RBFOX1: variants seen among roughly 807,000 people sequenced by gnomAD.
RBFOX1 encodes the protein RNA binding protein fox-1 homolog 1.
Under a neutral mutation model 57.7 loss-of-function variants are expected in RBFOX1, and 8 were observed. The observed-to-expected ratio is 0.14, with a 90% CI of 0.08 to 0.25. RBFOX1 has a LOEUF of 0.25. RBFOX1 is among the 10% of genes least tolerant of loss of function. The pLI is 1.00. For missense variants in RBFOX1, 611 were observed against 548.5 expected (o/e 1.11, Z -1.14); for synonymous variants, 326 against 222.4 (o/e 1.47, Z -4.15).
intron 2 of RBFOX1, among the ~76,000 whole-genome samples, chr16:6,620,711 A>G (rs1255012223): frequency 2.0e-5 from 3 of 152,182 alleles, no homozygotes; most frequent in Non-Finnish European, 2.9e-5. Flanking sequence ...AACCATCACA[A>G]GATTATGAAA....
intron 4 of RBFOX1, among the ~76,000 whole-genome samples, chr16:7,329,432 C>G (rs549149574): frequency 1.3e-5 from 2 of 152,188 alleles, no homozygotes; most frequent in Non-Finnish European, 2.9e-5. Context: ...TGGAAAGACA[C>G]ACGACATAGT....
intron 3 of RBFOX1, among the ~76,000 whole-genome samples, chr16:6,888,008 T>C (rs1459681178): frequency 2.0e-5 from 3 of 152,106 alleles, no homozygotes; most frequent in East Asian, 1.9e-4. Context: ...TTGGGGTTTT[T>C]GTTTGGGTGA....
chr16:7,451,516 A>G (rs1377206033), intron 4 of RBFOX1, among the ~76,000 whole-genome samples: 6 of 152,100 alleles, frequency 3.9e-5, no homozygotes, highest in Admixed American at 3.9e-4. Flanking sequence ...GTATCAACTT[A>G]TAAGCAGTGG....
intron 1 of RBFOX1, among the ~76,000 whole-genome samples, chr16:5,389,578 G>C (rs2066348458): frequency 6.6e-6 from 1 of 151,810 alleles, no homozygotes; most frequent in Non-Finnish European, 1.5e-5. Context: ...GCATCCTTTG[G>C]GCATTCCCTT....
intron 3 of RBFOX1, among the ~76,000 whole-genome samples, chr16:6,726,445 T>C (rs2067207250): frequency 6.6e-6 from 1 of 152,028 alleles, no homozygotes; most frequent in Non-Finnish European, 1.5e-5. Context: ...CGACTTGTCT[T>C]AAGATCTGCT....
chr16:6,954,454 G>A (rs1302161267), intron 3 of RBFOX1, among the ~76,000 whole-genome samples: 1 of 152,166 alleles, frequency 6.6e-6, no homozygotes, highest in Admixed American at 6.6e-5. Flanking sequence ...AAATTGTCAA[G>A]CAGGAACAAA....
chr16:7,271,513 AATTG>A (rs887884194), intron 4 of RBFOX1, among the ~76,000 whole-genome samples: 3 of 151,892 alleles, frequency 2.0e-5, no homozygotes, highest in African/African-American at 7.3e-5. Context: ...TTAAATGTCT[AATTG>A]ATTTGTTTTT....
At chr16:6,840,585 G>C (rs1339916874) in intron 3 of RBFOX1, among the ~76,000 whole-genome samples, 2 of 151,988 alleles carry the variant, frequency 1.3e-5, no homozygotes, top group Non-Finnish European at 2.9e-5. Context: ...AATGGGATTA[G>C]TGCCTTCATA....
At chr16:6,351,539 A>G in intron 2 of RBFOX1, among the ~76,000 whole-genome samples, 1 of 151,372 alleles carries the variant, frequency 6.6e-6, no homozygotes, top group East Asian at 1.9e-4. Flanking sequence ...CTGCCCAGCT[A>G]ACTTTTGTGA....
At chr16:6,600,961 T>C (rs981044234) in intron 2 of RBFOX1, among the ~76,000 whole-genome samples, 10 of 152,312 alleles carry the variant, frequency 6.6e-5, no homozygotes, top group South Asian at 2.1e-4. Flanking sequence ...TGAGAAAATA[T>C]AGCCTCTTAA....
intron 4 of RBFOX1, among the ~76,000 whole-genome samples, chr16:7,268,385 TCTCA>T (rs2153101230): frequency 6.6e-6 from 1 of 152,298 alleles, no homozygotes; most frequent in East Asian, 1.9e-4. Flanking sequence ...GAGGACTCGC[TCTCA>T]CTCTTACTGG....
chr16:6,579,537 G>C (rs2097502323), intron 2 of RBFOX1, among the ~76,000 whole-genome samples: 1 of 152,136 alleles, frequency 6.6e-6, no homozygotes, highest in African/African-American at 2.4e-5. Flanking sequence ...TAATGGTTTT[G>C]TAACGGGCTT....
intron 14 of RBFOX1, among the ~76,000 whole-genome samples, chr16:7,708,213 C>T (rs999166801): frequency 8.6e-5 from 13 of 152,018 alleles, no homozygotes; most frequent in African/African-American, 1.4e-4. Flanking sequence ...TCTAGTTATG[C>T]GACCTTGAGC....
chr16:7,583,251 G>C (rs1300012875), intron 6 of RBFOX1, among the ~76,000 whole-genome samples: 1 of 151,444 alleles, frequency 6.6e-6, no homozygotes, highest in Non-Finnish European at 1.5e-5. Flanking sequence ...AATACCGGTT[G>C]AGGTTCAAGG....
rs188743482 is a variant in RBFOX1 at position 6,271,068 on chromosome 16, A to C, written c.-126-45927A>C. 7.4e-4 allele frequency among the ~76,000 whole-genome samples: 113 copies of C among 152,340 alleles called. 1 individual carries two copies. The highest frequency in any genetic ancestry group is 3.4e-3 in the Middle Eastern group (1 of 294). Reference sequence around the variant, plus strand: ...TACTGAGAGGAAATTTATAGCAATAAATGAATACATTAGAGAAGAGGAAAA... The same window carrying C: ...TACTGAGAGGAAATTTATAGCAATACATGAATACATTAGAGAAGAGGAAAA... On this transcript the variant is annotated intron_variant, in intron 1 of 15. Transcript: ENST00000550418.
At chr16:6,999,754 G>A (rs181172264) in intron 3 of RBFOX1, among the ~76,000 whole-genome samples, 3 of 151,982 alleles carry the variant, frequency 2.0e-5, no homozygotes, top group East Asian at 3.9e-4. Context: ...GAACTGTATT[G>A]TCATTAATGT....
intron 4 of RBFOX1, among the ~76,000 whole-genome samples, chr16:7,489,003 CATT>C (rs2066195515): frequency 6.6e-6 from 1 of 152,182 alleles, no homozygotes; most frequent in Non-Finnish European, 1.5e-5. Flanking sequence ...ATTGCTCTGT[CATT>C]ATATCTACCT....
At chr16:7,460,749 A>C (rs775047972) in intron 4 of RBFOX1, among the ~76,000 whole-genome samples, 16 of 152,110 alleles carry the variant, frequency 1.1e-4, no homozygotes. Flanking sequence ...TAAATGAATG[A>C]ATGAATAGAT....
At chr16:6,525,215 C>A (rs747193322) in intron 2 of RBFOX1, among the ~76,000 whole-genome samples, 7 of 152,196 alleles carry the variant, frequency 4.6e-5, no homozygotes, top group Non-Finnish European at 8.8e-5. Flanking sequence ...ACAATTCTAG[C>A]TTGAAGAACT....
Sources: gnomAD v4.1 joint callset for allele counts (sites outside exome capture counted in the v4.1 genomes callset) on GRCh38, gnomAD v4.1.1 for gene constraint, MANE v1.5 for transcripts, NCBI Gene and HGNC (gene_info 2026-07-23, HGNC 2026-07-21) for gene names.